ERC2: variants seen among roughly 807,000 people sequenced by gnomAD.
ERC2 encodes ERC protein 2.
ERC2 carries 42 observed loss-of-function variants against 114.8 expected under a neutral mutation model. The ratio of observed to expected loss-of-function variants is 0.37; its 90% CI spans 0.29 to 0.47. The LOEUF is 0.47. Among genes scored for constraint, ERC2 ranks in the 20% least tolerant of loss-of-function variants. The pLI, the probability that ERC2 is intolerant of heterozygous loss-of-function variation, is 0.99. For synonymous variants in ERC2, 454 were observed against 425.5 expected, an observed-to-expected ratio of 1.07 and a Z score of -0.82; for missense variants, 939 against 1,150.7, an observed-to-expected ratio of 0.82 and a Z score of 2.66.
intron 3 of ERC2, among the ~76,000 whole-genome samples, chr3:56,279,600 G>A (rs1439557419): frequency 6.6e-6 from 1 of 152,214 alleles, no homozygotes; most frequent in African/African-American, 2.4e-5. Context: ...AGGAAAAGTA[G>A]GTGATAAGGT....
At chr3:56,348,514 A>T (rs1325928258) in intron 2 of ERC2, among the ~76,000 whole-genome samples, 1 of 137,040 alleles carries the variant, frequency 7.3e-6, no homozygotes, top group Non-Finnish European at 1.6e-5. Context: ...AATTAATTTT[A>T]TATATACTAC....
chr3:56,226,500 G>A (rs1313498053), intron 3 of ERC2, among the ~76,000 whole-genome samples: 1 of 152,182 alleles, frequency 6.6e-6, no homozygotes, highest in Non-Finnish European at 1.5e-5. Flanking sequence ...ACTGCAGTGT[G>A]CTATGACATT....
intron 7 of ERC2, among the ~76,000 whole-genome samples, chr3:56,020,723 T>C (rs957161758): frequency 2.0e-5 from 3 of 152,158 alleles, no homozygotes; most frequent in African/African-American, 7.2e-5. Context: ...CTGAATACAC[T>C]GATTAGACCC....
chr3:55,539,723 C>T (rs559167075), intron 17 of ERC2, among the ~76,000 whole-genome samples: 1 of 152,028 alleles, frequency 6.6e-6, no homozygotes, highest in East Asian at 1.9e-4. Flanking sequence ...CACTGCGCCC[C>T]ACCCTAAGAC....
At chr3:56,212,803 A>G (rs1455010595) in intron 3 of ERC2, among the ~76,000 whole-genome samples, 1 of 152,036 alleles carries the variant, frequency 6.6e-6, no homozygotes, top group African/African-American at 2.4e-5. Flanking sequence ...ATACACACAC[A>G]CACACACACA....
chr3:56,205,287 G>A (rs368993562), intron 3 of ERC2, among the ~76,000 whole-genome samples: 3 of 152,092 alleles, frequency 2.0e-5, no homozygotes, highest in Non-Finnish European at 4.4e-5. Flanking sequence ...AATCATGTGT[G>A]ACAATACGTA....
rs906044986 is a variant in ERC2 at position 55,508,790 on chromosome 3, T to C, written c.*2526A>G. On this transcript the variant is annotated 3_prime_UTR_variant, in exon 18 of 18. Transcript: ENST00000288221. The stretch of plus-strand genomic sequence containing the variant: ...TACTGGATACACAAAAATCATTAAA[T>C]ACAAAATTGAGACTGTACATCGAAA... 3 of 152,498 alleles carry C rather than the reference T, an allele frequency of 2.0e-5. No homozygotes were observed. Among genetic ancestry groups the C allele is most frequent in the African/African-American group, 7.2e-5 (3 of 41,416 alleles). The allele number at this position is 152,498 out of a possible 1,614,324, so 9.4% of individuals were successfully genotyped here.
At chr3:55,773,902 G>C (rs2068411091) in intron 14 of ERC2, among the ~76,000 whole-genome samples, 1 of 152,182 alleles carries the variant, frequency 6.6e-6, no homozygotes, top group Non-Finnish European at 1.5e-5. Context: ...GGCGGCTTTT[G>C]TGTATATACT....
At chr3:56,382,866 C>T (rs1324948882) in intron 2 of ERC2, among the ~76,000 whole-genome samples, 1 of 152,146 alleles carries the variant, frequency 6.6e-6, no homozygotes, top group African/African-American at 2.4e-5. Context: ...TAATCATCTT[C>T]ACTTGGATGT....
At chr3:56,348,929 AAGG>A (rs2058434352) in intron 2 of ERC2, among the ~76,000 whole-genome samples, 1 of 142,858 alleles carries the variant, frequency 7.0e-6, no homozygotes, top group Non-Finnish European at 1.5e-5. Flanking sequence ...GGAAGGAAGG[AAGG>A]AAGGAAGGAA....
chr3:56,169,716 T>C (rs538242135), intron 4 of ERC2, among the ~76,000 whole-genome samples: 2 of 151,946 alleles, frequency 1.3e-5, no homozygotes, highest in South Asian at 2.1e-4. Context: ...CACTTTGAAA[T>C]AGATTTTCCT....
chr3:55,757,666 T>G (rs979525601), intron 14 of ERC2, among the ~76,000 whole-genome samples: 8 of 152,154 alleles, frequency 5.3e-5, no homozygotes, highest in African/African-American at 1.7e-4. Context: ...GCTTGACACA[T>G]GGTAAGCATT....
At chr3:55,665,211 C>T (rs1324879302) in intron 17 of ERC2, among the ~76,000 whole-genome samples, 1 of 152,190 alleles carries the variant, frequency 6.6e-6, no homozygotes, top group East Asian at 1.9e-4. Flanking sequence ...CCTGACTCTT[C>T]AAGCAGCGCT....
intron 14 of ERC2, among the ~76,000 whole-genome samples, chr3:55,747,487 A>G (rs1331707799): frequency 6.6e-6 from 1 of 152,246 alleles, no homozygotes; most frequent in Non-Finnish European, 1.5e-5. Context: ...GAAATAACTG[A>G]AAGTCCAAAT....
chr3:55,909,210 G>A (rs763493815), intron 13 of ERC2, among the ~76,000 whole-genome samples: 4 of 152,120 alleles, frequency 2.6e-5, no homozygotes, highest in Admixed American at 6.5e-5. Context: ...TCCGTGTTTC[G>A]GTGCTGCACT....
At chr3:56,190,502 T>C (rs1485821001) in intron 3 of ERC2, among the ~76,000 whole-genome samples, 1 of 152,152 alleles carries the variant, frequency 6.6e-6, no homozygotes, top group Non-Finnish European at 1.5e-5. Context: ...GGTGCAATCA[T>C]AGCTCACTGC....
intron 13 of ERC2, among the ~76,000 whole-genome samples, chr3:55,907,531 T>C (rs55963705): frequency 0.027 from 4,071 of 152,346 alleles, 64 homozygotes; most frequent in Non-Finnish European, 0.04. Flanking sequence ...CAGAGGTCTT[T>C]GTCTCTGATA....
At chr3:56,345,247 A>G (rs2058259035) in intron 2 of ERC2, among the ~76,000 whole-genome samples, 1 of 152,168 alleles carries the variant, frequency 6.6e-6, no homozygotes, top group African/African-American at 2.4e-5. Context: ...CTTGCCTTTA[A>G]TGTGTTTTGT....
intron 14 of ERC2, among the ~76,000 whole-genome samples, chr3:55,738,616 C>T (rs1332187326): frequency 2.0e-5 from 3 of 152,076 alleles, no homozygotes; most frequent in Non-Finnish European, 2.9e-5. Context: ...ACATCATCTA[C>T]CACTTGGAAA....
Sources: allele counts gnomAD v4.1 joint callset (sites outside exome capture counted in the v4.1 genomes callset), GRCh38; gene constraint gnomAD v4.1.1; transcripts MANE v1.5; gene names NCBI Gene and HGNC (gene_info 2026-07-23, HGNC 2026-07-21).